SNRNP25: variants seen among roughly 807,000 people sequenced by gnomAD.
SNRNP25 encodes small nuclear ribonucleoprotein U11/U12 subunit 25, also known as U11/U12 small nuclear ribonucleoprotein 25 kDa protein.
Under a neutral mutation model 23.9 loss-of-function variants are expected in SNRNP25, and 21 were observed. The ratio of observed to expected loss-of-function variants is 0.88; its 90% CI spans 0.62 to 1.27. SNRNP25 has a LOEUF of 1.27. SNRNP25 is among the 50% of genes most tolerant of loss of function. The pLI is 0.00. For synonymous variants in SNRNP25, 63 were observed against 60.4 expected, an observed-to-expected ratio of 1.04 and a Z score of -0.20; for missense variants, 160 against 156.9, an observed-to-expected ratio of 1.02 and a Z score of -0.11.
chr16:57,073 C>T lies in SNRNP25; in HGVS notation c.315-13C>T. The stretch of plus-strand genomic sequence containing the variant: ...TGTAGGGCAGGTGCTTTATGCCTTT[C>T]CTTCTTTTTCAGCTACGGCATCCGG... On this transcript the variant is annotated splice_polypyrimidine_tract_variant and intron_variant, in intron 4 of 4. Coordinates refer to ENST00000293861, the MANE Select transcript of SNRNP25 (RefSeq NM_024571.4). 2.5e-6 allele frequency: 4 copies of T among 1,614,110 alleles called. No individual in the cohort carries two copies. Among genetic ancestry groups the T allele is most frequent in the South Asian group, 1.1e-5 (1 of 91,084 alleles).
In SNRNP25 at chr16:53,866, G is replaced by T; in HGVS notation, c.-151G>T. 1 of 1,469,098 alleles carries T rather than the reference G, an allele frequency of 6.8e-7. No individual in the cohort carries two copies. The highest frequency in any genetic ancestry group is 9.2e-7 in the Non-Finnish European group (1 of 1,087,780). The allele number at this position is 1,469,098 out of a possible 1,614,324, so 91.0% of individuals were successfully genotyped here. Reference sequence around the variant, plus strand: ...GTGCGCGCTTGGCCTCCCTAGTGCGGGCTGGCAGTGCGGGCAGAGCCCGGC... The same window carrying T: ...GTGCGCGCTTGGCCTCCCTAGTGCGTGCTGGCAGTGCGGGCAGAGCCCGGC... On this transcript the variant is annotated 5_prime_UTR_variant, in exon 1 of 5. Transcript: ENST00000293861.
chr16:57,255 A>G lies in SNRNP25; in HGVS notation c.*112A>G. The G allele has an allele frequency of 8.4e-7, 1 of 1,184,980 alleles. No homozygotes were observed. 73.4% of individuals were successfully genotyped at this position (1,184,980 alleles called of 1,614,324 possible). A position where few individuals can be genotyped will look rare whatever the true frequency, so the allele number is the denominator to read the frequency against. ...ACAGAAAGGACGTTGTGGTGGCCTC[A>G]CCCCAGGCATGCCCAACAGTAACTG... On this transcript the variant is annotated 3_prime_UTR_variant, in exon 5 of 5. Transcript: ENST00000293861.
rs775699327 is a variant in SNRNP25 at position 55,770 on chromosome 16, G to C, written c.134-7G>C. ...GGATCTTCTCCCATCTGTGTCCGTGGTTGCAGCCGTGGTTGTAGTGCAGAG... is the reference window on the plus strand; with the variant it reads ...GGATCTTCTCCCATCTGTGTCCGTGCTTGCAGCCGTGGTTGTAGTGCAGAG... On this transcript the variant is annotated splice_polypyrimidine_tract_variant and splice_region_variant and intron_variant, in intron 2 of 4. Transcript: ENST00000293861. The C allele has an allele frequency of 2.5e-6, 4 of 1,613,796 alleles. No homozygotes were observed. Among genetic ancestry groups the C allele is most frequent in the Admixed American group, 1.7e-5 (1 of 59,968 alleles).
intron 3 of SNRNP25, 113 bp from the exon 4 acceptor site, chr16:56,426 G>A: frequency 3.1e-6 from 3 of 956,948 alleles, no homozygotes; most frequent in Non-Finnish European, 5.1e-6. Context: ...CCCAGGTAGG[G>A]AGGACAGCTG....
chr16:56,688 G>A (rs956938195), intron 4 of SNRNP25, 75 bp downstream of exon 4: 9 of 1,509,520 alleles, frequency 6.0e-6, no homozygotes, highest in Admixed American at 1.7e-5. Flanking sequence ...CTCTGCCAGA[G>A]GGCTGCGGCT....
Position 55,180 on chromosome 16 carries a change from C to A in SNRNP25, c.43-279C>A, listed in dbSNP as rs1897390605. 7.4e-6 allele frequency: 3 copies of A among 402,868 alleles called. No individual in the cohort carries two copies. In the East Asian group the frequency reaches 1.6e-4, roughly 22 times the overall value. The allele number at this position is 402,868 out of a possible 1,614,324, so 25.0% of individuals were successfully genotyped here. A position where few individuals can be genotyped will look rare whatever the true frequency, so the allele number is the denominator to read the frequency against. On this transcript the variant is annotated intron_variant, in intron 1 of 4. Coordinates refer to ENST00000293861, the MANE Select transcript of SNRNP25 (RefSeq NM_024571.4). ...TCAGCGTGAACTGACAGGCCTCTACCCACCCCTGGGGGCAGGTCCTCATGT... is the reference window on the plus strand; with the variant it reads ...TCAGCGTGAACTGACAGGCCTCTACACACCCCTGGGGGCAGGTCCTCATGT...
rs999318180 is a variant in SNRNP25, at chr16:55,530, G to A, written c.114G>A (p.Lys38=). The A allele has an allele frequency of 6.2e-7, 1 of 1,614,172 alleles. No homozygotes were observed. The highest frequency in any genetic ancestry group is 8.5e-7 in the Non-Finnish European group (1 of 1,180,026). ...YGQAMTVRVC[K]MDGEVMPVVV... is the part of the protein sequence containing the mutation. The stretch of plus-strand genomic sequence containing the variant: ...AGGCAATGACGGTCCGAGTGTGCAA[G>A]ATGGATGGAGAAGTAATGCGTAAGT... Residue 38 remains lysine (K), a synonymous_variant, in exon 2 of 5, where the codon AAG becomes AAA. Coordinates refer to ENST00000293861, the MANE Select transcript of SNRNP25 (RefSeq NM_024571.4).
intron 1 of SNRNP25, among the ~76,000 whole-genome samples, chr16:54,439 G>A (rs948352194): frequency 2.0e-5 from 3 of 151,698 alleles, no homozygotes; most frequent in African/African-American, 7.3e-5. Context: ...TTGTACAGAG[G>A]GAGTCTCACT....
Position 55,770 on chromosome 16 carries a change from G to T in SNRNP25, c.134-7G>T. The T allele has an allele frequency of 6.2e-7, 1 of 1,613,796 alleles. No individual in the cohort carries two copies. Among genetic ancestry groups the T allele is most frequent in the East Asian group, 2.2e-5 (1 of 44,884 alleles). ...GGATCTTCTCCCATCTGTGTCCGTG[G>T]TTGCAGCCGTGGTTGTAGTGCAGAG... On this transcript the variant is annotated splice_polypyrimidine_tract_variant and splice_region_variant and intron_variant, in intron 2 of 4. Coordinates refer to ENST00000293861, the MANE Select transcript of SNRNP25 (RefSeq NM_024571.4).
Position 57,391 on chromosome 16 carries a change from C to T in SNRNP25, c.*248C>T. Reference sequence around the variant, plus strand: ...TCCCTAGGTCCAAATGCCCTAGTCACATGGCAGACCCACGGCCTGGCCCAC... The same window carrying T: ...TCCCTAGGTCCAAATGCCCTAGTCATATGGCAGACCCACGGCCTGGCCCAC... On this transcript the variant is annotated 3_prime_UTR_variant, in exon 5 of 5. Coordinates refer to ENST00000293861, the MANE Select transcript of SNRNP25 (RefSeq NM_024571.4). The T allele has an allele frequency of 5.3e-6, 3 of 566,158 alleles. No homozygotes were observed. Among genetic ancestry groups the T allele is most frequent in the Middle Eastern group, 4.7e-4 (1 of 2,136 alleles). The allele number at this position is 566,158 out of a possible 1,614,324, so 35.1% of individuals were successfully genotyped here.
intron 3 of SNRNP25, chr16:56,302 C>T (rs1596460520): frequency 2.8e-6 from 2 of 708,582 alleles, no homozygotes; most frequent in Non-Finnish European, 2.6e-6. Flanking sequence ...AGTCTCAACA[C>T]TGTCGCCTGT....
chr16:56,311 G>A, intron 3 of SNRNP25: 1 of 711,058 alleles, frequency 1.4e-6, no homozygotes, highest in South Asian at 1.5e-5. Context: ...ACTGTCGCCT[G>A]TTGCATTAGC....
chr16:56,986 C>G (rs1051818718), intron 4 of SNRNP25, 100 bp from the exon 5 acceptor site: 16 of 1,335,976 alleles, frequency 1.2e-5, no homozygotes, highest in Middle Eastern at 2.1e-4. Context: ...CACACGCCTC[C>G]CCTCTGTTGT....
rs1221896003 is a variant in SNRNP25, at chr16:56,283, T to C, written c.240-256T>C. The C allele has an allele frequency of 2.1e-5, 15 of 702,866 alleles. No homozygotes were observed. The Admixed American group carries it at 2.4e-4, about 11-fold the overall frequency. The allele number at this position is 702,866 out of a possible 1,614,324, so 43.5% of individuals were successfully genotyped here. On this transcript the variant is annotated intron_variant, in intron 3 of 4. Coordinates refer to ENST00000293861, the MANE Select transcript of SNRNP25 (RefSeq NM_024571.4). ...CACTCTCCTATTGGATCAACTATCC[T>C]GTTCACTGAGTCTCAACACTGTCGC...
rs762839466 is a variant in SNRNP25 at position 56,545 on chromosome 16, C to T, written c.246C>T (p.Tyr82=). 4.3e-6 allele frequency: 7 copies of T among 1,613,896 alleles called. No homozygotes were observed. Among genetic ancestry groups the T allele is most frequent in the African/African-American group, 1.3e-5 (1 of 74,928 alleles). ...CTGCATTCCCCTCTTGCAGGTCCTA[C>T]GTGTGGAGGACGTACCATCTGACCT... ...EGGIQHISWS[Y]VWRTYHLTSA... is the part of the protein sequence containing the mutation. The change falls in exon 4 of 5, where the codon TAC becomes TAT. Residue 82 remains tyrosine (Y), a synonymous_variant. Transcript: ENST00000293861.
intron 2 of SNRNP25, 79 bp downstream of exon 2, chr16:55,628 G>T: frequency 6.4e-7 from 1 of 1,574,648 alleles, no homozygotes; most frequent in Non-Finnish European, 8.7e-7. Context: ...TGGTCAGCCT[G>T]CTCAGAAACT....
chr16:55,383 A>G, intron 1 of SNRNP25, 76 bp from the exon 2 acceptor site: 1 of 1,382,454 alleles, frequency 7.2e-7, no homozygotes, highest in Non-Finnish European at 1.0e-6. Flanking sequence ...TTTGGCCACT[A>G]TCGGCTTGTT....
At chr16:54,088 G>T in intron 1 of SNRNP25, 30 bp downstream of exon 1, 1 of 1,583,396 alleles carries the variant, frequency 6.3e-7, no homozygotes, top group East Asian at 2.3e-5. Flanking sequence ...GGGGGCGCGG[G>T]AGTCGTTCCC....
At chr16:54,329 G>A (rs184451171) in intron 1 of SNRNP25, among the ~76,000 whole-genome samples, 23 of 152,344 alleles carry the variant, frequency 1.5e-4, no homozygotes, top group African/African-American at 5.3e-4. Context: ...GTCTTGCTGC[G>A]TTGCCCGGGC....
Sources: allele counts gnomAD v4.1 joint callset (sites outside exome capture counted in the v4.1 genomes callset), GRCh38; gene constraint gnomAD v4.1.1; transcripts MANE v1.5; gene names NCBI Gene and HGNC (gene_info 2026-07-23, HGNC 2026-07-21).